TRABD2B: variants seen among roughly 807,000 people sequenced by gnomAD.
The protein encoded by TRABD2B is TraB domain containing 2B.
A neutral mutation model predicts 40.1 loss-of-function variants in TRABD2B; 14 were observed. That is an observed-to-expected ratio of 0.35 (90% CI 0.23 to 0.55). TRABD2B has a LOEUF of 0.55. Ranked by LOEUF, TRABD2B falls within the 20% of genes least tolerant of loss-of-function variation. The pLI is 0.90. For missense variants in TRABD2B, 541 were observed against 648.6 expected, an observed-to-expected ratio of 0.83 and a Z score of 1.80; for synonymous variants, 263 against 277.0, an observed-to-expected ratio of 0.95 and a Z score of 0.50.
chr1:47,887,922 C>T (rs1336245436), intron 2 of TRABD2B, among the ~76,000 whole-genome samples: 1 of 152,196 alleles, frequency 6.6e-6, no homozygotes, highest in Admixed American at 6.5e-5. Context: ...GTTTCCATTT[C>T]CCTGACAAGG....
chr1:47,867,445 T>C (rs1644075767), intron 2 of TRABD2B, among the ~76,000 whole-genome samples: 2 of 152,282 alleles, frequency 1.3e-5, no homozygotes, highest in Non-Finnish European at 2.9e-5. Context: ...TTAAATACGA[T>C]AATGTTTGCA....
intron 2 of TRABD2B, among the ~76,000 whole-genome samples, chr1:47,898,230 T>C (rs1233721724): frequency 6.6e-6 from 1 of 152,156 alleles, no homozygotes. Flanking sequence ...GCCCTAACAA[T>C]GGCAAGAAAA....
chr1:47,940,768 C>T (rs1479614229), intron 2 of TRABD2B, among the ~76,000 whole-genome samples: 1 of 152,166 alleles, frequency 6.6e-6, no homozygotes, highest in Non-Finnish European at 1.5e-5. Flanking sequence ...AGGCAGGATG[C>T]AGGAATAAAA....
chr1:47,807,879 G>T (rs972600820), intron 2 of TRABD2B, among the ~76,000 whole-genome samples: 1 of 152,168 alleles, frequency 6.6e-6, no homozygotes, highest in East Asian at 1.9e-4. Context: ...TGGAACTATG[G>T]CCATGTTATT....
At position 47,815,715 on chromosome 1, in the gene TRABD2B, G is replaced by A. The variant is rs549433028; in HGVS notation, c.667-14096C>T. On this transcript the variant is annotated intron_variant, in intron 2 of 6. Coordinates refer to ENST00000606738, the MANE Select transcript of TRABD2B (RefSeq NM_001194986.2). ...GCCAGAGCTTCTTTCAACCTGGAGTGTCTGGGGCTCCAAGTGACTGAGGGT... is the reference window on the plus strand; with the variant it reads ...GCCAGAGCTTCTTTCAACCTGGAGTATCTGGGGCTCCAAGTGACTGAGGGT... Among the ~76,000 whole-genome samples the A allele has an allele frequency of 1.8e-4, 28 of 152,326 alleles. No individual in the cohort carries two copies. The South Asian group carries it at 5.6e-3, about 30-fold the overall frequency.
intron 2 of TRABD2B, among the ~76,000 whole-genome samples, chr1:47,929,982 C>T (rs919098566): frequency 6.6e-6 from 1 of 152,192 alleles, no homozygotes; most frequent in Non-Finnish European, 1.5e-5. Context: ...ACCTGGCTCC[C>T]TACTTCTCCC....
intron 6 of TRABD2B, among the ~76,000 whole-genome samples, chr1:47,774,688 T>C (rs1417793512): frequency 6.6e-6 from 1 of 152,246 alleles, no homozygotes; most frequent in East Asian, 1.9e-4. Context: ...AGCCCACAGC[T>C]TCAAGGGCAT....
chr1:47,933,068 T>C (rs951037010), intron 2 of TRABD2B, among the ~76,000 whole-genome samples: 2 of 151,504 alleles, frequency 1.3e-5, no homozygotes, highest in Non-Finnish European at 2.9e-5. Flanking sequence ...TCCCATCTCC[T>C]TGGCGTTCAG....
chr1:47,994,069 A>T lies in TRABD2B; in HGVS notation c.631T>A (p.Cys211Ser), dbSNP rs1453845002. Residue 211 changes from cysteine (C) to serine (S), a missense_variant, in exon 2 of 7, where the codon TGC (cysteine) becomes AGC (serine). Physicochemically the swap from Cys to Ser is moderately radical, Grantham distance 112 (BLOSUM62 -1). Coordinates refer to ENST00000606738, the MANE Select transcript of TRABD2B (RefSeq NM_001194986.2). The surrounding 1 kb of genome is among the most constrained non-coding windows in gnomAD (Gnocchi z 6.7). ...TGAVEQVEEQ[C>S]HPLNNGLNFS... ...TTGAGCCCGTTGTTGAGGGGATGGC[A>T]CTGCTCCTCCACCTGCTCCACAGCC... 7 of 1,536,070 alleles carry T rather than the reference A, an allele frequency of 4.6e-6. No individual in the cohort carries two copies. Among genetic ancestry groups the T allele is most frequent in the Non-Finnish European group, 8.7e-7 (1 of 1,146,936 alleles).
At chr1:47,835,776 T>C (rs775719216) in intron 2 of TRABD2B, among the ~76,000 whole-genome samples, 19 of 152,204 alleles carry the variant, frequency 1.2e-4, no homozygotes, top group Non-Finnish European at 2.4e-4. Context: ...AAGTGAATCA[T>C]TTAGGCTGAA....
intron 2 of TRABD2B, chr1:47,818,295 G>C (rs1645062253): frequency 6.6e-6 from 1 of 152,358 alleles, no homozygotes; most frequent in Non-Finnish European, 1.5e-5. Context: ...GCCAGGATGG[G>C]GAGTGGGGAC....
chr1:47,894,790 T>G (rs1644494532), intron 2 of TRABD2B, among the ~76,000 whole-genome samples: 1 of 152,118 alleles, frequency 6.6e-6, no homozygotes, highest in Admixed American at 6.5e-5. Flanking sequence ...GACGTACCAC[T>G]CCTTCCACAA....
intron 2 of TRABD2B, among the ~76,000 whole-genome samples, chr1:47,889,317 C>A (rs1466434982): frequency 6.6e-6 from 1 of 152,236 alleles, no homozygotes; most frequent in African/African-American, 2.4e-5. Context: ...TTTCACACCA[C>A]TTCTCTAAGC....
intron 6 of TRABD2B, among the ~76,000 whole-genome samples, chr1:47,767,342 T>A (rs1360253589): frequency 1.3e-5 from 2 of 152,102 alleles, no homozygotes; most frequent in East Asian, 3.9e-4. Flanking sequence ...GGGAAGGCCA[T>A]GAGGGCCTCC....
rs1280237740 is a variant in TRABD2B at position 47,838,863 on chromosome 1, A to G, written c.667-37244T>C. Among the ~76,000 whole-genome samples, 2 of 152,190 alleles carry G rather than the reference A, an allele frequency of 1.3e-5. 1 individual carries two copies. Among genetic ancestry groups the G allele is most frequent in the African/African-American group, 4.8e-5 (2 of 41,462 alleles). On this transcript the variant is annotated intron_variant, in intron 2 of 6. Coordinates refer to ENST00000606738, the MANE Select transcript of TRABD2B (RefSeq NM_001194986.2). ...AAATGAGCAGTCCAATCAGAGGGTC[A>G]AGGCTGAGCCCTAAATACTCCTGAG...
intron 2 of TRABD2B, among the ~76,000 whole-genome samples, chr1:47,809,498 CT>C (rs1380499430): frequency 1.3e-5 from 2 of 152,242 alleles, no homozygotes; most frequent in Non-Finnish European, 2.9e-5. Flanking sequence ...CTGCTAGACC[CT>C]GGGCCCAAAT....
At position 47,926,191 on chromosome 1, in the gene TRABD2B, T is replaced by C. The variant is rs60703665; in HGVS notation, c.666+67843A>G. Among the ~76,000 whole-genome samples, 1,090 of 152,332 alleles carry C rather than the reference T, an allele frequency of 7.2e-3. 10 individuals are homozygous for C. The highest frequency in any genetic ancestry group is 0.025 in the African/African-American group (1,048 of 41,578). ...ATCTACGAATAATAAAAAGGAATCA[T>C]TCCTTCTCAAAAATAAAAAGAAGAA... On this transcript the variant is annotated intron_variant, in intron 2 of 6. Transcript: ENST00000606738.
chr1:47,864,301 T>C (rs900847756), intron 2 of TRABD2B, among the ~76,000 whole-genome samples: 10 of 151,964 alleles, frequency 6.6e-5, no homozygotes, highest in African/African-American at 2.4e-4. Context: ...GATGGACACA[T>C]GTCCATCATT....
intron 2 of TRABD2B, among the ~76,000 whole-genome samples, chr1:47,958,426 A>C (rs1158119627): frequency 6.8e-6 from 1 of 148,124 alleles, no homozygotes; most frequent in Non-Finnish European, 1.5e-5. Flanking sequence ...AACTGGATAA[A>C]GAGTCAAGAC....
Sources: allele counts gnomAD v4.1 joint callset (sites outside exome capture counted in the v4.1 genomes callset), GRCh38; gene constraint gnomAD v4.1.1; non-coding constraint Gnocchi (gnomAD v3.1); transcripts MANE v1.5; gene names NCBI Gene and HGNC (gene_info 2026-07-23, HGNC 2026-07-21).